The following SYN3 variants were observed in gnomAD, a reference collection of about 807,000 sequenced individuals.
SYN3 encodes the protein synapsin III.
Under a neutral mutation model 65.8 loss-of-function variants are expected in SYN3, and 35 were observed. The observed-to-expected ratio is 0.53, with a 90% confidence interval of 0.41 to 0.70. SYN3 has a LOEUF of 0.70. Among genes scored for constraint, SYN3 ranks in the 30% least tolerant of loss-of-function variants. SYN3 has a pLI of 0.00. For synonymous variants in SYN3, 270 were observed against 292.9 expected (o/e 0.92, Z 0.80); for missense variants, 680 against 749.0 (o/e 0.91, Z 1.08).
At chr22:32,537,935 A>G in intron 9 of SYN3, 101 bp downstream of exon 9, 1 of 1,029,230 alleles carries the variant, frequency 9.7e-7, no homozygotes, top group Non-Finnish European at 1.5e-6. Flanking sequence ...GAGGCACTGG[A>G]CGGAGGGCGG....
intron 7 of SYN3, among the ~76,000 whole-genome samples, chr22:32,590,066 ACAAAG>A (rs1325378644): frequency 6.6e-6 from 1 of 152,194 alleles, no homozygotes; most frequent in Non-Finnish European, 1.5e-5. Context: ...ATGAACTATC[ACAAAG>A]CAAATACCCA....
In SYN3 at chr22:33,043,798, T is replaced by G. The variant is rs1415984275; in HGVS notation, c.-163+14494A>C. ...GGTCAGGCGCAGTGGCTCACGCCTG[T>G]AATCCCAGCACTTTGGGAGGCCGAG... On this transcript the variant is annotated intron_variant, in intron 1 of 13. Transcript: ENST00000358763. Among the ~76,000 whole-genome samples, 3 of 152,236 alleles carry G rather than the reference T, an allele frequency of 2.0e-5. No homozygotes were observed. In the East Asian group the frequency reaches 5.8e-4, roughly 30 times the overall value.
At chr22:32,867,827 C>T (rs951816721) in intron 5 of SYN3, among the ~76,000 whole-genome samples, 5 of 152,114 alleles carry the variant, frequency 3.3e-5, no homozygotes, top group Non-Finnish European at 7.4e-5. Flanking sequence ...GTGATACACC[C>T]GCCTCGGCCT....
Position 32,513,589 on chromosome 22 carries a change from G to T in SYN3, c.*103C>A. 2 of 1,417,190 alleles carry T rather than the reference G, an allele frequency of 1.4e-6. No individual in the cohort carries two copies. Among genetic ancestry groups the T allele is most frequent in the Non-Finnish European group, 1.9e-6 (2 of 1,042,408 alleles). The allele number at this position is 1,417,190 out of a possible 1,614,324, so 87.8% of individuals were successfully genotyped here. On this transcript the variant is annotated 3_prime_UTR_variant, in exon 14 of 14. Transcript: ENST00000358763. ...AGGCATTTAGAAAGTATGTTCTCAG[G>T]CCCTCCATTCTGTTCCCATCAGGAA...
chr22:32,794,693 G>A (rs1237370734), intron 6 of SYN3, among the ~76,000 whole-genome samples: 1 of 152,190 alleles, frequency 6.6e-6, no homozygotes, highest in Non-Finnish European at 1.5e-5. Context: ...TGCCAAGCTG[G>A]AAGCCCGGAG....
intron 3 of SYN3, among the ~76,000 whole-genome samples, chr22:32,961,421 G>A (rs957336035): frequency 6.6e-6 from 1 of 152,190 alleles, no homozygotes; most frequent in Non-Finnish European, 1.5e-5. Flanking sequence ...GCTCTAAGGA[G>A]CATGGTTGGA....
chr22:32,525,568 G>C (rs891688980), intron 12 of SYN3, among the ~76,000 whole-genome samples: 1 of 151,932 alleles, frequency 6.6e-6, no homozygotes, highest in African/African-American at 2.4e-5. Context: ...AAATTAGCCG[G>C]GAGTGTTGGT....
intron 4 of SYN3, among the ~76,000 whole-genome samples, chr22:32,896,735 A>AT (rs1267824629): frequency 2.6e-5 from 4 of 152,116 alleles, no homozygotes; most frequent in African/African-American, 9.7e-5. Flanking sequence ...TAAACGTGAA[A>AT]TTTTTTCCAT....
chr22:32,644,210 CTG>C (rs748715935), intron 6 of SYN3, among the ~76,000 whole-genome samples: 15 of 150,396 alleles, frequency 1.0e-4, no homozygotes, highest in Non-Finnish European at 2.2e-4. Flanking sequence ...GTGCCAGAAA[CTG>C]TGCTAGGCAG....
In SYN3 at chr22:32,998,013, C is replaced by T. The variant is rs544237610; in HGVS notation, c.311+8339G>A. 8.0e-5 allele frequency among the ~76,000 whole-genome samples: 11 copies of T among 137,424 alleles called. No individual in the cohort carries two copies. The South Asian group carries it at 1.7e-3, about 21-fold the overall frequency. 90.2% of individuals were successfully genotyped at this position (137,424 alleles called of 152,430 possible). On this transcript the variant is annotated intron_variant, in intron 2 of 13. Coordinates refer to ENST00000358763, the MANE Select transcript of SYN3 (RefSeq NM_003490.4). ...CTGCACTCCAGCCTGGGTGACAGAGCGAGACTCCATCTCAAAAAAAAAAAA... is the reference window on the plus strand; with the variant it reads ...CTGCACTCCAGCCTGGGTGACAGAGTGAGACTCCATCTCAAAAAAAAAAAA...
chr22:32,984,994 T>G (rs1050010053), intron 2 of SYN3, among the ~76,000 whole-genome samples: 10 of 152,250 alleles, frequency 6.6e-5, no homozygotes, highest in Middle Eastern at 3.4e-3. Context: ...GAAAGTCACA[T>G]AATCCTCTAT....
intron 6 of SYN3, among the ~76,000 whole-genome samples, chr22:32,814,298 AAG>A (rs2047013174): frequency 2.7e-5 from 4 of 150,662 alleles, no homozygotes; most frequent in Admixed American, 2.6e-4. Context: ...GGAAGGAAGG[AAG>A]GAGAGAGAGA....
At chr22:32,814,107 C>CGT (rs130279) in intron 6 of SYN3, among the ~76,000 whole-genome samples, 23 of 97,726 alleles carry the variant, frequency 2.4e-4, no homozygotes, top group South Asian at 7.8e-4. Flanking sequence ...AGGCAATACT[C>CGT]GTGTGTGTGT....
intron 6 of SYN3, among the ~76,000 whole-genome samples, chr22:32,700,667 G>C (rs1355230679): frequency 6.6e-6 from 1 of 152,136 alleles, no homozygotes; most frequent in Non-Finnish European, 1.5e-5. Context: ...AGCCCTCTAA[G>C]ACCTCACAAT....
At chr22:32,868,535 G>C (rs1601585955) in intron 5 of SYN3, among the ~76,000 whole-genome samples, 1 of 151,836 alleles carries the variant, frequency 6.6e-6, no homozygotes, top group Admixed American at 6.6e-5. Flanking sequence ...CCGCCTCCCG[G>C]GTTCAAGCGA....
intron 6 of SYN3, among the ~76,000 whole-genome samples, chr22:32,772,505 A>G (rs5994624): frequency 0.71 from 107,203 of 151,772 alleles, 38,422 homozygotes; most frequent in African/African-American, 0.83. Flanking sequence ...AGGCTGAAAA[A>G]TGATCCGCCT....
At chr22:32,810,556 A>G (rs1312916484) in intron 6 of SYN3, among the ~76,000 whole-genome samples, 1 of 151,978 alleles carries the variant, frequency 6.6e-6, no homozygotes, top group Admixed American at 6.5e-5. Flanking sequence ...GGAGAGGGGA[A>G]GTCCTGAGCT....
intron 1 of SYN3, among the ~76,000 whole-genome samples, chr22:33,020,487 C>A (rs973260219): frequency 3.3e-5 from 5 of 152,140 alleles, no homozygotes; most frequent in Admixed American, 3.3e-4. Flanking sequence ...CACCTCAATA[C>A]AATCACGCTA....
chr22:33,024,280 G>A (rs1422863564), intron 1 of SYN3, among the ~76,000 whole-genome samples: 2 of 152,120 alleles, frequency 1.3e-5, no homozygotes, highest in South Asian at 4.2e-4. Context: ...CAGACCTATG[G>A]CTTTTTTAAT....
Sources: gnomAD v4.1 joint callset for allele counts (sites outside exome capture counted in the v4.1 genomes callset) on GRCh38, gnomAD v4.1.1 for gene constraint, MANE v1.5 for transcripts, NCBI Gene and HGNC (gene_info 2026-07-23, HGNC 2026-07-21) for gene names.